The following TOGARAM2 variants were observed in gnomAD, a reference collection of about 807,000 sequenced individuals.
The protein encoded by TOGARAM2 is TOG array regulator of axonemal microtubules 2, also known as TOG array regulator of axonemal microtubules protein 2.
Under a neutral mutation model 93.3 loss-of-function variants are expected in TOGARAM2, and 85 were observed. That is an observed-to-expected ratio of 0.91 (90% CI 0.76 to 1.09). TOGARAM2 has a LOEUF of 1.09. Ranked by LOEUF, TOGARAM2 falls within the 50% of genes least tolerant of loss-of-function variation. TOGARAM2 has a pLI of 0.00. For missense variants in TOGARAM2, 1,277 were observed against 1,334.5 expected (o/e 0.96, Z 0.67); for synonymous variants, 593 against 552.8 (o/e 1.07, Z -1.02).
chr2:28,976,598 T>C (rs939535212), upstream of TOGARAM2, among the ~76,000 whole-genome samples: 6 of 151,970 alleles, frequency 3.9e-5, no homozygotes, highest in East Asian at 1.9e-4. Context: ...TTGGCTTCTG[T>C]TGGGAGAAGC....
intron 19 of TOGARAM2, chr2:29,047,826 G>A (rs531850834): frequency 6.6e-6 from 1 of 152,238 alleles, no homozygotes; most frequent in Admixed American, 6.5e-5. Context: ...GCCTCACTCT[G>A]TGGAAGAGAA....
chr2:28,985,953 C>CA (rs1368883640), intron 1 of TOGARAM2, among the ~76,000 whole-genome samples: 3 of 151,692 alleles, frequency 2.0e-5, no homozygotes, highest in African/African-American at 7.3e-5. Flanking sequence ...ATAATACACA[C>CA]AAAAAAATAA....
At chr2:29,016,037 CT>C (rs1463976749) in intron 8 of TOGARAM2, among the ~76,000 whole-genome samples, 2 of 152,198 alleles carry the variant, frequency 1.3e-5, no homozygotes, top group Non-Finnish European at 2.9e-5. Context: ...CTCAATATCT[CT>C]GCTTAAGTGC....
intron 1 of TOGARAM2, among the ~76,000 whole-genome samples, chr2:28,986,942 C>T (rs998623545): frequency 6.6e-6 from 1 of 152,192 alleles, no homozygotes; most frequent in Non-Finnish European, 1.5e-5. Context: ...GAACTTTAAT[C>T]ATGTGCCTGA....
At chr2:28,967,683 GC>G (rs1338301707) in intron 1 of TOGARAM2, among the ~76,000 whole-genome samples, 2 of 151,752 alleles carry the variant, frequency 1.3e-5, no homozygotes, top group African/African-American at 4.8e-5. Context: ...AGTTTCCAGC[GC>G]TTACTCCGTG....
chr2:28,999,601 AC>A, intron 4 of TOGARAM2, 133 bp downstream of exon 4: 1 of 1,023,120 alleles, frequency 9.8e-7, no homozygotes, highest in Non-Finnish European at 1.4e-6. Flanking sequence ...GTGGGTACAT[AC>A]CAGGTACCTT....
intron 14 of TOGARAM2, among the ~76,000 whole-genome samples, chr2:29,031,499 C>T (rs896537576): frequency 6.6e-6 from 1 of 152,166 alleles, no homozygotes; most frequent in African/African-American, 2.4e-5. Context: ...TCTGGAGAAT[C>T]ATTGAGTTTA....
At chr2:28,968,828 A>AAC (rs1553333240) in intron 1 of TOGARAM2, among the ~76,000 whole-genome samples, 49 of 121,982 alleles carry the variant, frequency 4.0e-4, no homozygotes, top group East Asian at 1.2e-3. Flanking sequence ...AAAAAAAAAA[A>AAC]AAAAAAAAAA....
intron 19 of TOGARAM2, chr2:29,051,538 A>G (rs959388793): frequency 4.6e-6 from 2 of 439,150 alleles, no homozygotes; most frequent in African/African-American, 4.0e-5. Flanking sequence ...GGTTGGTATA[A>G]GCACAGATAT....
At chr2:29,022,720 C>G (rs1429596451) in intron 11 of TOGARAM2, among the ~76,000 whole-genome samples, 1 of 152,204 alleles carries the variant, frequency 6.6e-6, no homozygotes, top group African/African-American at 2.4e-5. Flanking sequence ...AAAGCAATGC[C>G]TCGGCCTCCA....
intron 1 of TOGARAM2, among the ~76,000 whole-genome samples, chr2:28,970,630 C>T (rs907676712): frequency 1.3e-4 from 20 of 152,280 alleles, no homozygotes; most frequent in African/African-American, 3.4e-4. Context: ...TTCTCCCTGG[C>T]GGTGAGGGCC....
intron 6 of TOGARAM2, among the ~76,000 whole-genome samples, chr2:29,005,833 T>A (rs1165227290): frequency 7.6e-6 from 1 of 131,676 alleles, no homozygotes; most frequent in African/African-American, 3.7e-5. Flanking sequence ...TGTGTGCATG[T>A]GTATGTGTCA....
chr2:28,962,592 A>T (rs1343478520), intron 1 of TOGARAM2, among the ~76,000 whole-genome samples: 1 of 152,054 alleles, frequency 6.6e-6, no homozygotes, highest in Non-Finnish European at 1.5e-5. Flanking sequence ...GTTGGTATGG[A>T]TATGCCACAA....
Position 28,991,540 on chromosome 2 carries a change from C to T in TOGARAM2, c.-110-3185C>T, listed in dbSNP as rs146598000. ...AGGAGATGAGAACTCTGGCTGGAGA[C>T]GTCTCAGAGGTCTCTGAAAGTCGGA... On this transcript the variant is annotated intron_variant, in intron 1 of 19. Transcript: ENST00000379558. Among the ~76,000 whole-genome samples the T allele has an allele frequency of 5.1e-4, 77 of 152,284 alleles. No individual in the cohort carries two copies. The East Asian group carries it at 6.2e-3, about 12-fold the overall frequency.
At chr2:29,025,927 A>G (rs1665325270) in intron 13 of TOGARAM2, among the ~76,000 whole-genome samples, 1 of 151,988 alleles carries the variant, frequency 6.6e-6, no homozygotes, top group Non-Finnish European at 1.5e-5. Context: ...ACAGAGAGGG[A>G]ATCAGGACTC....
intron 13 of TOGARAM2, among the ~76,000 whole-genome samples, chr2:29,026,422 A>T (rs1331361320): frequency 6.6e-6 from 1 of 152,106 alleles, no homozygotes; most frequent in East Asian, 1.9e-4. Context: ...TTCCCCGGGG[A>T]CAAAGACAGC....
chr2:28,989,879 C>G (rs954232058), intron 1 of TOGARAM2, among the ~76,000 whole-genome samples: 6 of 152,380 alleles, frequency 3.9e-5, no homozygotes, highest in Admixed American at 3.9e-4. Context: ...AGTCACACAG[C>G]TTGCAGGTGC....
intron 8 of TOGARAM2, 151 bp from the exon 9 acceptor site, chr2:29,017,003 C>A: frequency 1.1e-6 from 1 of 920,970 alleles, no homozygotes; most frequent in South Asian, 1.7e-5. Flanking sequence ...GTCTCTCCCC[C>A]ACACTTCAAA....
At chr2:28,975,491 C>T (rs572879061) in intron 1 of TOGARAM2, among the ~76,000 whole-genome samples, 81 of 152,078 alleles carry the variant, frequency 5.3e-4, no homozygotes, top group African/African-American at 1.9e-3. Context: ...CGAGCCACTG[C>T]GCCCGGCCGA....
Sources: allele counts gnomAD v4.1 joint callset (sites outside exome capture counted in the v4.1 genomes callset), GRCh38; gene constraint gnomAD v4.1.1; transcripts MANE v1.5; gene names NCBI Gene and HGNC (gene_info 2026-07-23, HGNC 2026-07-21).